PHYHD1: variants seen among roughly 807,000 people sequenced by gnomAD.
PHYHD1 encodes the protein phytanoyl-CoA dioxygenase domain-containing protein 1.
A neutral mutation model predicts 43.6 loss-of-function variants in PHYHD1; 42 were observed. That is an observed-to-expected ratio of 0.96 (90% CI 0.75 to 1.25). The LOEUF (loss-of-function observed/expected upper bound fraction) is 1.25. Among genes scored for constraint, PHYHD1 ranks in the 50% most tolerant of loss-of-function variants. The pLI is 0.00. For missense variants in PHYHD1, 342 were observed against 370.8 expected, an observed-to-expected ratio of 0.92 and a Z score of 0.64; for synonymous variants, 139 against 143.6, an observed-to-expected ratio of 0.97 and a Z score of 0.23.
rs1284613163 is a variant in PHYHD1, at chr9:128,938,964, C to T, written c.457+1186C>T. Among the ~76,000 whole-genome samples the T allele has an allele frequency of 1.7e-4, 22 of 130,894 alleles. 8 individuals are homozygous for T. Among genetic ancestry groups the T allele is most frequent in the Admixed American group, 5.9e-4 (7 of 11,780 alleles). 85.9% of individuals were successfully genotyped at this position (130,894 alleles called of 152,430 possible). On this transcript the variant is annotated intron_variant, in intron 9 of 12. Transcript: ENST00000372592. ...ACCTTCTTCCACCATTCAGCCTGTA[C>T]GAAGTTCCCCAAAGGGATGACCATC...
At chr9:128,929,760 A>G (rs1841224860) in intron 4 of PHYHD1, among the ~76,000 whole-genome samples, 2 of 152,168 alleles carry the variant, frequency 1.3e-5, no homozygotes, top group Non-Finnish European at 2.9e-5. Flanking sequence ...CAGTTGTAAC[A>G]TCTTACTGGT....
In PHYHD1 at chr9:128,941,798, G is replaced by C. The variant is rs376382627; in HGVS notation, c.*85G>C. 2.8e-5 allele frequency: 44 copies of C among 1,582,866 alleles called. No homozygotes were observed. Among genetic ancestry groups the C allele is most frequent in the Non-Finnish European group, 3.6e-5 (41 of 1,154,080 alleles). ...CAGTGCCTTGCTCAGCCTCCTGGTT[G>C]CAACAGGGAGGTCTTGTCTCCCCTC... On this transcript the variant is annotated 3_prime_UTR_variant, in exon 13 of 13. Coordinates refer to ENST00000372592, the MANE Select transcript of PHYHD1 (RefSeq NM_001100876.2).
intron 4 of PHYHD1, among the ~76,000 whole-genome samples, chr9:128,931,289 T>C (rs112408538): frequency 3.1e-3 from 465 of 152,078 alleles, no homozygotes; most frequent in African/African-American, 0.011. Context: ...TTTTTGGATT[T>C]TTATTAGAGA....
chr9:128,941,739 G>A lies in PHYHD1; in HGVS notation c.*26G>A, dbSNP rs771583946. 13 of 1,613,882 alleles carry A rather than the reference G, an allele frequency of 8.1e-6. No individual in the cohort carries two copies. Among genetic ancestry groups the A allele is most frequent in the African/African-American group, 6.7e-5 (5 of 74,908 alleles). ...AGGCTCTCGCAGGGCAGGAGCCCTC[G>A]CCCCTCCCGGGTGAAGCTGTGGGCT... On this transcript the variant is annotated 3_prime_UTR_variant, in exon 13 of 13. Coordinates refer to ENST00000372592, the MANE Select transcript of PHYHD1 (RefSeq NM_001100876.2).
chr9:128,931,275 C>T (rs1417319886), intron 4 of PHYHD1, among the ~76,000 whole-genome samples: 1 of 152,074 alleles, frequency 6.6e-6, no homozygotes, highest in Non-Finnish European at 1.5e-5. Flanking sequence ...CCACGTCCTG[C>T]TAATTTTTGG....
At chr9:128,936,397 G>A (rs1222191076) in intron 6 of PHYHD1, 51 bp from the exon 7 acceptor site, 2 of 1,574,448 alleles carry the variant, frequency 1.3e-6, no homozygotes, top group Middle Eastern at 1.8e-4. Flanking sequence ...GCTGGGTGTG[G>A]AGGGACACGT....
At chr9:128,923,533 C>T (rs1841057192) in intron 3 of PHYHD1, among the ~76,000 whole-genome samples, 1 of 152,220 alleles carries the variant, frequency 6.6e-6, no homozygotes, top group African/African-American at 2.4e-5. Context: ...TGATTTTTAT[C>T]AGCTATACTG....
At chr9:128,932,175 A>ATTTTTTTT (rs1164525938) in intron 4 of PHYHD1, among the ~76,000 whole-genome samples, 10 of 107,102 alleles carry the variant, frequency 9.3e-5, no homozygotes, top group African/African-American at 4.5e-4. Context: ...TATTGTTATT[A>ATTTTTTTT]TTATTATTAT....
chr9:128,934,865 C>A (rs570082355), intron 6 of PHYHD1, among the ~76,000 whole-genome samples: 1 of 152,130 alleles, frequency 6.6e-6, no homozygotes, highest in South Asian at 2.1e-4. Context: ...GGTCTTGGGC[C>A]CCTCTGCTAA....
intron 3 of PHYHD1, among the ~76,000 whole-genome samples, chr9:128,926,559 T>C (rs59529967): frequency 3.2e-5 from 2 of 63,422 alleles, no homozygotes; most frequent in Non-Finnish European, 4.2e-5. Flanking sequence ...TTTTTCTTTC[T>C]TTTTTTTTTT....
At position 128,927,152 on chromosome 9, in the gene PHYHD1, C is replaced by T. The variant is rs368877263; in HGVS notation, c.148C>T (p.Arg50Cys). ...TGAAATGGATGTTCCTCTCCACTGCCGCACAGAATTCTCCACCCAGGAAGA... is the reference window on the plus strand; with the variant it reads ...TGAAATGGATGTTCCTCTCCACTGCTGCACAGAATTCTCCACCCAGGAAGA... ...VAEMDVPLHCRTEFSTQEEEQ... is the reference protein window; with the variant it reads ...VAEMDVPLHCCTEFSTQEEEQ... Residue 50 changes from arginine to cysteine, a missense_variant, in exon 4 of 13, where the codon CGC (arginine) becomes TGC (cysteine). Transcript: ENST00000372592. 38 of 1,614,090 alleles carry T rather than the reference C, an allele frequency of 2.4e-5. No homozygotes were observed. The highest frequency in any genetic ancestry group is 5.0e-5 in the Admixed American group (3 of 59,994).
intron 4 of PHYHD1, among the ~76,000 whole-genome samples, chr9:128,932,798 T>G (rs998183521): frequency 6.8e-6 from 1 of 146,316 alleles, no homozygotes; most frequent in African/African-American, 2.5e-5. Context: ...CAGTGCCTGG[T>G]TGGTCAGTTC....
intron 8 of PHYHD1, 105 bp downstream of exon 8, chr9:128,936,750 TGG>T (rs1841433373): frequency 4.7e-6 from 6 of 1,266,054 alleles, no homozygotes; most frequent in Non-Finnish European, 6.6e-6. Context: ...ATTATTATGT[TGG>T]TGGGAGAACA....
intron 3 of PHYHD1, among the ~76,000 whole-genome samples, chr9:128,924,941 G>GA (rs1841098076): frequency 1.3e-5 from 2 of 151,466 alleles, no homozygotes; most frequent in African/African-American, 2.4e-5. Flanking sequence ...GTCTCAAAAA[G>GA]AAAAAAAAGG....
intron 3 of PHYHD1, among the ~76,000 whole-genome samples, chr9:128,924,576 C>T (rs1159297573): frequency 6.6e-6 from 1 of 150,586 alleles, no homozygotes; most frequent in Non-Finnish European, 1.5e-5. Flanking sequence ...CACATCACTA[C>T]TCTCCAGCCT....
At position 128,941,510 on chromosome 9, in the gene PHYHD1, C is replaced by A; in HGVS notation, c.769C>A (p.Arg257Ser). 6.2e-7 allele frequency: 1 copy of A among 1,614,078 alleles called. No homozygotes were observed. Among genetic ancestry groups the A allele is most frequent in the Non-Finnish European group, 8.5e-7 (1 of 1,180,026 alleles). The stretch of plus-strand genomic sequence containing the variant: ...CAAGCAGAACCTCTCTGACCGCTCG[C>A]GCCAGGCCTACACTTTCCACCTCAT... ...KSKQNLSDRS[R>S]QAYTFHLMEA... Residue 257 changes from arginine (R) to serine (S), a missense_variant, in exon 12 of 13, where the codon CGC becomes AGC. Coordinates refer to ENST00000372592, the MANE Select transcript of PHYHD1 (RefSeq NM_001100876.2).
At chr9:128,922,547 G>C (rs572749603) in intron 3 of PHYHD1, among the ~76,000 whole-genome samples, 191 bp downstream of exon 3, 4 of 152,298 alleles carry the variant, frequency 2.6e-5, no homozygotes, top group African/African-American at 9.6e-5. Context: ...TAGATCACAG[G>C]ACCCAGGGTA....
chr9:128,932,157 ATTATTATTATTG>A (rs1474180954), intron 4 of PHYHD1, among the ~76,000 whole-genome samples: 224 of 115,330 alleles, frequency 1.9e-3, no homozygotes, highest in Admixed American at 3.9e-3. Flanking sequence ...TTCTATTATT[ATTATTATTATTG>A]TTATTATTAT....
chr9:128,933,879 G>A (rs1215137287), intron 5 of PHYHD1, 22 bp downstream of exon 5: 1 of 1,612,152 alleles, frequency 6.2e-7, no homozygotes, highest in Non-Finnish European at 8.5e-7. Context: ...GGGCCCTAGA[G>A]CTGGGGAGGA....
Sources: gnomAD v4.1 joint callset for allele counts (sites outside exome capture counted in the v4.1 genomes callset) on GRCh38, gnomAD v4.1.1 for gene constraint, MANE v1.5 for transcripts, NCBI Gene and HGNC (gene_info 2026-07-23, HGNC 2026-07-21) for gene names.